Variants in GP2 observed in about 807,000 individuals in gnomAD.
GP2 encodes pancreatic secretory granule membrane major glycoprotein GP2.
GP2 carries 58 observed loss-of-function variants against 60.8 expected under a neutral mutation model. The observed-to-expected ratio is 0.95, with a 90% CI of 0.77 to 1.19. The LOEUF is 1.19. GP2 is among the 50% of genes most tolerant of loss of function. The pLI, the probability that GP2 is intolerant of heterozygous loss-of-function variation, is 0.00. For synonymous variants in GP2, 280 were observed against 253.4 expected (o/e 1.10, Z -1.00); for missense variants, 647 against 667.4 (o/e 0.97, Z 0.34).
chr16:20,316,548 G>A (rs1313677202), intron 8 of GP2, among the ~76,000 whole-genome samples: 2 of 152,068 alleles, frequency 1.3e-5, no homozygotes, highest in East Asian at 3.9e-4. Flanking sequence ...CTACTTACAG[G>A]GTTGTTCTGA....
chr16:20,317,743 T>C (rs911718936), intron 7 of GP2, among the ~76,000 whole-genome samples: 25 of 152,250 alleles, frequency 1.6e-4, no homozygotes, highest in Admixed American at 1.5e-3. Context: ...TAATGTGCCA[T>C]AGCTCAATGA....
At chr16:20,326,265 C>A (rs766466977) in intron 2 of GP2, 73 bp downstream of exon 2, 1 of 1,428,166 alleles carries the variant, frequency 7.0e-7, no homozygotes, top group Non-Finnish European at 9.8e-7. Context: ...CCTGAGCCAC[C>A]TTCTCTGCAC....
chr16:20,312,365 A>G (rs546833534), intron 10 of GP2, among the ~76,000 whole-genome samples: 1 of 152,366 alleles, frequency 6.6e-6, no homozygotes. Flanking sequence ...AGAACAGTAC[A>G]TGACAAAAAG....
Position 20,327,498 on chromosome 16 carries a change from G to A in GP2, c.-68C>T. On this transcript the variant is annotated 5_prime_UTR_variant, in exon 1 of 11. The change creates a premature stop within an existing upstream ORF in the 5' untranslated region. Coordinates refer to ENST00000302555, the MANE Select transcript of GP2 (RefSeq NM_001502.4). ...TGAGAACACAAAGCGTTCCTCCTCT[G>A]GCCAGCCATGGGAATGCAGCCTGCT... 1 of 1,288,814 alleles carries A rather than the reference G, an allele frequency of 7.8e-7. No homozygotes were observed. The highest frequency in any genetic ancestry group is 1.0e-6 in the Non-Finnish European group (1 of 988,410). 79.8% of individuals were successfully genotyped at this position (1,288,814 alleles called of 1,614,324 possible). A position where few individuals can be genotyped will look rare whatever the true frequency, so the allele number is the denominator to read the frequency against.
rs763666075 is a variant in GP2, at chr16:20,320,258, T to C, written c.858+4A>G. On this transcript the variant is annotated splice_donor_region_variant and intron_variant, in intron 5 of 10. Transcript: ENST00000302555. ...CTGGCAGCAGTGGTGTGAAAGCCACTTACCTCCAGAATGTTCCTGCAGGCA... is the reference window on the plus strand; with the variant it reads ...CTGGCAGCAGTGGTGTGAAAGCCACCTACCTCCAGAATGTTCCTGCAGGCA... 1 of 1,605,988 alleles carries C rather than the reference T, an allele frequency of 6.2e-7. No homozygotes were observed. Among genetic ancestry groups the C allele is most frequent in the Non-Finnish European group, 8.5e-7 (1 of 1,172,534 alleles).
At position 20,318,182 on chromosome 16, in the gene GP2, T is replaced by G; in HGVS notation, c.1253+3A>C. On this transcript the variant is annotated splice_donor_region_variant and intron_variant, in intron 7 of 10. Coordinates refer to ENST00000302555, the MANE Select transcript of GP2 (RefSeq NM_001502.4). ...AAATGATAATTCCAGAATTGCTCGT[T>G]ACCTGTTTCTGATGATGAAATACTT... 6.2e-7 allele frequency: 1 copy of G among 1,612,744 alleles called. No individual in the cohort carries two copies. The highest frequency in any genetic ancestry group is 8.5e-7 in the Non-Finnish European group (1 of 1,178,714).
Position 20,317,246 on chromosome 16 carries a change from A to G in GP2, c.1383T>C (p.His461=). 1 of 1,613,152 alleles carries G rather than the reference A, an allele frequency of 6.2e-7. No individual in the cohort carries two copies. Among genetic ancestry groups the G allele is most frequent in the Non-Finnish European group, 8.5e-7 (1 of 1,179,202 alleles). The part of the protein sequence containing the change: ...YDLVFLHCEI[H]LCDSLNEQCQ... ...ACTGTTCATTAAGAGAATCACAGAGATGAATCTCACAATGCAGGAAAACTA... is the reference window on the plus strand; with the variant it reads ...ACTGTTCATTAAGAGAATCACAGAGGTGAATCTCACAATGCAGGAAAACTA... The change falls in exon 8 of 11, where the codon CAT becomes CAC. Residue 461 remains histidine (H), a synonymous_variant. Coordinates refer to ENST00000302555, the MANE Select transcript of GP2 (RefSeq NM_001502.4).
chr16:20,326,812 G>A (rs1964546956), intron 1 of GP2: 1 of 198,814 alleles, frequency 5.0e-6, no homozygotes, highest in Non-Finnish European at 1.0e-5. Flanking sequence ...ATTGGGTGCT[G>A]CTAAGAGCCC....
chr16:20,323,693 A>G, intron 3 of GP2, 123 bp downstream of exon 3: 1 of 655,540 alleles, frequency 1.5e-6, no homozygotes, highest in Non-Finnish European at 2.7e-6. Flanking sequence ...ACTGGGCAGG[A>G]GCTGAGTCGA....
chr16:20,320,878 A>G (rs4430753), intron 4 of GP2, among the ~76,000 whole-genome samples: 65,210 of 152,030 alleles, frequency 0.43, 15,394 homozygotes, highest in East Asian at 0.78. Context: ...ACTATCTGCC[A>G]GGCACTGGGG....
intron 1 of GP2, 146 bp downstream of exon 1, chr16:20,327,321 G>A: frequency 2.5e-6 from 1 of 406,036 alleles, no homozygotes; most frequent in South Asian, 2.1e-5. Flanking sequence ...ACATAGAGTG[G>A]TACCTGGAGC....
In GP2 at chr16:20,318,442, AAAGCCACAAGAGTGG is replaced by A. The variant is rs1567288559; in HGVS notation, c.1008-27_1008-13del. 6.2e-7 allele frequency: 1 copy of A among 1,611,184 alleles called. No homozygotes were observed. Among genetic ancestry groups the A allele is most frequent in the South Asian group, 1.1e-5 (1 of 90,966 alleles). ...TGACGTTCAGGGAACTGAGAAAAAGAAAGCCACAAGAGTGGAAACCTCAGAGAACAACATAAATCA... is the reference window on the plus strand; with the variant it reads ...TGACGTTCAGGGAACTGAGAAAAAGAAAACCTCAGAGAACAACATAAATCA... On this transcript the variant is annotated splice_polypyrimidine_tract_variant and intron_variant, in intron 6 of 10. Coordinates refer to ENST00000302555, the MANE Select transcript of GP2 (RefSeq NM_001502.4).
chr16:20,319,824 A>G, intron 5 of GP2, 56 bp from the exon 6 acceptor site: 5 of 1,354,966 alleles, frequency 3.7e-6, no homozygotes, highest in Non-Finnish European at 5.2e-6. Flanking sequence ...ATGTAGGTGT[A>G]TCTCAAATCC....
intron 10 of GP2, among the ~76,000 whole-genome samples, chr16:20,313,257 CTCTG>C (rs984638308): frequency 1.5e-5 from 1 of 67,106 alleles, no homozygotes; most frequent in African/African-American, 3.3e-5. Context: ...CTCTCTGTCT[CTCTG>C]TCTCTCTCTC....
At chr16:20,311,370 G>C in intron 10 of GP2, 89 bp from the exon 11 acceptor site, 1 of 789,532 alleles carries the variant, frequency 1.3e-6, no homozygotes. Context: ...CACAACACAA[G>C]GATGAGAAAG....
At chr16:20,324,314 T>A in intron 2 of GP2, 58 bp from the exon 3 acceptor site, 1 of 1,156,978 alleles carries the variant, frequency 8.6e-7, no homozygotes, top group South Asian at 1.5e-5. Flanking sequence ...CCTACAGGAT[T>A]TTTTCCCCTC....
Position 20,311,222 on chromosome 16 carries a change from C to T in GP2, c.*1G>A. The T allele has an allele frequency of 6.2e-7, 1 of 1,604,970 alleles. No homozygotes were observed. The highest frequency in any genetic ancestry group is 1.1e-5 in the South Asian group (1 of 90,900). ...TCAAGGCCAGATGCTCAGCGGAGCTCTCAGAACAGCCAAGCCAGGAGGACA... is the reference window on the plus strand; with the variant it reads ...TCAAGGCCAGATGCTCAGCGGAGCTTTCAGAACAGCCAAGCCAGGAGGACA... On this transcript the variant is annotated 3_prime_UTR_variant, in exon 11 of 11. Coordinates refer to ENST00000302555, the MANE Select transcript of GP2 (RefSeq NM_001502.4).
intron 10 of GP2, among the ~76,000 whole-genome samples, chr16:20,311,927 C>G (rs1964007311): frequency 6.6e-6 from 1 of 151,420 alleles, no homozygotes; most frequent in Non-Finnish European, 1.5e-5. Context: ...AGAATCTCAG[C>G]TCTACACCTA....
Sources: gnomAD v4.1 joint callset for allele counts (sites outside exome capture counted in the v4.1 genomes callset) on GRCh38, gnomAD v4.1.1 for gene constraint, MANE v1.5 for transcripts, NCBI Gene and HGNC (gene_info 2026-07-23, HGNC 2026-07-21) for gene names.